The following NRXN3 variants were observed in gnomAD, a reference collection of about 807,000 sequenced individuals.
NRXN3 encodes neurexin III.
A neutral mutation model predicts 137.6 loss-of-function variants in NRXN3; 32 were observed. That is an observed-to-expected ratio of 0.23 (90% CI 0.18 to 0.31). NRXN3 has a LOEUF of 0.31. NRXN3 is among the 10% of genes least tolerant of loss of function. NRXN3 has a pLI of 1.00. For missense variants in NRXN3, 1,574 were observed against 2,062.5 expected (o/e 0.76, Z 4.59); for synonymous variants, 798 against 784.5 (o/e 1.02, Z -0.29).
At chr14:78,215,388 C>G (rs1344121984) in intron 1 of NRXN3, among the ~76,000 whole-genome samples, 1 of 152,138 alleles carries the variant, frequency 6.6e-6, no homozygotes, top group African/African-American at 2.4e-5. Context: ...CTAAAGGCTC[C>G]TTTCAGCAGG....
chr14:79,445,173 C>T (rs766231811), intron 15 of NRXN3, among the ~76,000 whole-genome samples: 2 of 151,948 alleles, frequency 1.3e-5, no homozygotes, highest in Non-Finnish European at 2.9e-5. Flanking sequence ...AACCCCGTCT[C>T]TACTAAAAAT....
intron 19 of NRXN3, among the ~76,000 whole-genome samples, chr14:79,768,967 G>C (rs561022309): frequency 6.6e-6 from 1 of 151,662 alleles, no homozygotes; most frequent in East Asian, 1.9e-4. Context: ...CGAGAACTAC[G>C]TGAAGAACGC....
Position 78,243,701 on chromosome 14 carries a change from G to A in NRXN3, c.608G>A (p.Gly203Asp), listed in dbSNP as rs11626446. 397,257 of 1,598,102 alleles carry A rather than the reference G, an allele frequency of 0.25. 51,359 individuals are homozygous for A. Among genetic ancestry groups the A allele is most frequent in the Middle Eastern group, 0.32 (1,912 of 6,060 alleles). Residue 203 changes from glycine (G) to aspartate (D), a missense_variant, in exon 2 of 21, where the codon GGT (glycine) becomes GAT (aspartate). Physicochemically the swap from Gly to Asp is moderately conservative, Grantham distance 94. Transcript: ENST00000335750. This position sits in a 1 kb window ranked among gnomAD's most constrained non-coding sequence, Gnocchi z 4.2. ...GVQMDAEGPC[G>D]ERPCENGGIC... Reference sequence around the variant, plus strand: ...CAGATGGATGCCGAGGGACCCTGTGGTGAGCGTCCCTGTGAAAATGGTGGG... The same window carrying A: ...CAGATGGATGCCGAGGGACCCTGTGATGAGCGTCCCTGTGAAAATGGTGGG...
At chr14:78,701,101 A>T (rs77420679) in intron 6 of NRXN3, among the ~76,000 whole-genome samples, 2,786 of 152,264 alleles carry the variant, frequency 0.018, 80 homozygotes, top group East Asian at 0.14. Context: ...ACACAAATAC[A>T]TTGCAGCCTG....
intron 10 of NRXN3, among the ~76,000 whole-genome samples, chr14:78,894,248 A>C (rs2099167237): frequency 6.6e-6 from 1 of 151,978 alleles, no homozygotes; most frequent in Non-Finnish European, 1.5e-5. Context: ...TCAAAATTAG[A>C]ATGAATTCAC....
At chr14:79,451,577 T>A (rs1198242054) in intron 15 of NRXN3, among the ~76,000 whole-genome samples, 1 of 152,206 alleles carries the variant, frequency 6.6e-6, no homozygotes, top group Non-Finnish European at 1.5e-5. Context: ...CCTGTTACCA[T>A]AGAAGTCTTA....
intron 1 of NRXN3, among the ~76,000 whole-genome samples, chr14:78,199,695 T>TG (rs2061509694): frequency 2.0e-5 from 3 of 152,108 alleles, no homozygotes; most frequent in African/African-American, 7.2e-5. Flanking sequence ...GCCTGGAACC[T>TG]CAATTGGGGT....
At chr14:79,422,582 G>A (rs1475384471) in intron 15 of NRXN3, among the ~76,000 whole-genome samples, 1 of 152,024 alleles carries the variant, frequency 6.6e-6, no homozygotes, top group Non-Finnish European at 1.5e-5. Flanking sequence ...GTATTCTATG[G>A]TAGAAATAGA....
At chr14:79,817,500 T>C (rs143891712) in intron 20 of NRXN3, among the ~76,000 whole-genome samples, 23 of 152,362 alleles carry the variant, frequency 1.5e-4, no homozygotes, top group Admixed American at 5.9e-4. Context: ...TAGTGAAATA[T>C]AGTCTTAAGT....
At chr14:78,438,846 G>T (rs545300273) in intron 4 of NRXN3, among the ~76,000 whole-genome samples, 1 of 152,094 alleles carries the variant, frequency 6.6e-6, no homozygotes, top group East Asian at 1.9e-4. Flanking sequence ...TTCAATGAGA[G>T]GGTTGTCAGC....
rs140205691 is a variant in NRXN3, at chr14:79,360,382, G to A, written c.3263-106839G>A. Among the ~76,000 whole-genome samples the A allele has an allele frequency of 3.6e-3, 555 of 152,320 alleles. 5 individuals carry two copies. The highest frequency in any genetic ancestry group is 0.012 in the African/African-American group (484 of 41,578). ...GGCCTCCCAAAGTGCTAGGATTACA[G>A]GCGTGAGCCACTGTGCCCAGCCATT... On this transcript the variant is annotated intron_variant, in intron 15 of 20. Coordinates refer to ENST00000335750, the MANE Select transcript of NRXN3 (RefSeq NM_001330195.2).
In NRXN3 at chr14:79,358,175, A is replaced by G. The variant is rs2093494595; in HGVS notation, c.3263-109046A>G. On this transcript the variant is annotated intron_variant, in intron 15 of 20. Coordinates refer to ENST00000335750, the MANE Select transcript of NRXN3 (RefSeq NM_001330195.2). ...TATCTCCTGCAGGCTAAGCCTTGGTATTTCCTTCAGATTACACCAAAACCA... is the reference window on the plus strand; with the variant it reads ...TATCTCCTGCAGGCTAAGCCTTGGTGTTTCCTTCAGATTACACCAAAACCA... Among the ~76,000 whole-genome samples the G allele has an allele frequency of 3.3e-5, 5 of 152,096 alleles. No individual in the cohort carries two copies. The South Asian group carries it at 1.0e-3, about 31-fold the overall frequency.
At chr14:79,565,172 A>G (rs972197054) in intron 16 of NRXN3, among the ~76,000 whole-genome samples, 1 of 149,046 alleles carries the variant, frequency 6.7e-6, no homozygotes, top group African/African-American at 2.5e-5. Context: ...TGTAAGTGCT[A>G]TAAGTATAAA....
At chr14:79,626,648 G>T (rs1416113543) in intron 16 of NRXN3, among the ~76,000 whole-genome samples, 1 of 152,056 alleles carries the variant, frequency 6.6e-6, no homozygotes, top group Non-Finnish European at 1.5e-5. Flanking sequence ...TTGATTCATT[G>T]CTTATTTTTG....
intron 15 of NRXN3, among the ~76,000 whole-genome samples, chr14:79,005,510 C>A (rs1469564985): frequency 6.6e-6 from 1 of 152,122 alleles, no homozygotes; most frequent in Non-Finnish European, 1.5e-5. Context: ...TTCTTTGTGT[C>A]AAAATGCATT....
At position 78,919,756 on chromosome 14, in the gene NRXN3, A is replaced by ACTATATTGGT. The variant is rs558812203; in HGVS notation, c.2276-37481_2276-37480insTTGGTCTATA. Among the ~76,000 whole-genome samples the ACTATATTGGT allele has an allele frequency of 4.2e-3, 641 of 152,338 alleles. 20 individuals carry two copies. Among genetic ancestry groups the ACTATATTGGT allele is most frequent in the Admixed American group, 0.036 (551 of 15,292 alleles). On this transcript the variant is annotated intron_variant, in intron 10 of 20. Transcript: ENST00000335750. ...TGAACATAACTTATTTGGCCTTATT[A>ACTATATTGGT]CTATAATGGTCATTAGAATATCTTT...
At chr14:78,227,551 C>A (rs1481696234) in intron 1 of NRXN3, among the ~76,000 whole-genome samples, 1 of 152,306 alleles carries the variant, frequency 6.6e-6, no homozygotes, top group Middle Eastern at 3.4e-3. Flanking sequence ...GCACAGGAAG[C>A]TTTGCTGGCT....
intron 15 of NRXN3, among the ~76,000 whole-genome samples, chr14:79,347,605 T>G (rs2092960576): frequency 6.6e-6 from 1 of 152,114 alleles, no homozygotes; most frequent in Non-Finnish European, 1.5e-5. Context: ...GTATTTTTAG[T>G]AGAGATGGGG....
At chr14:79,485,407 T>C (rs2096646537) in intron 16 of NRXN3, among the ~76,000 whole-genome samples, 1 of 152,194 alleles carries the variant, frequency 6.6e-6, no homozygotes. Context: ...GGCCATTGCT[T>C]CAAGTTATAT....
Sources: allele counts gnomAD v4.1 joint callset (sites outside exome capture counted in the v4.1 genomes callset), GRCh38; gene constraint gnomAD v4.1.1; non-coding constraint Gnocchi (gnomAD v3.1); transcripts MANE v1.5; gene names NCBI Gene and HGNC (gene_info 2026-07-23, HGNC 2026-07-21).